Variants in HDLBP observed in about 807,000 individuals in gnomAD.
HDLBP encodes high density lipoprotein binding protein.
A neutral mutation model predicts 137.3 loss-of-function variants in HDLBP; 30 were observed. That is an observed-to-expected ratio of 0.22 (90% CI 0.16 to 0.30). The LOEUF is 0.30. Among genes scored for constraint, HDLBP ranks in the 10% least tolerant of loss-of-function variants. The pLI, the probability that HDLBP is intolerant of heterozygous loss-of-function variation, is 1.00. For missense variants in HDLBP, 1,119 were observed against 1,667.3 expected, an observed-to-expected ratio of 0.67 and a Z score of 5.73; for synonymous variants, 606 against 596.0, an observed-to-expected ratio of 1.02 and a Z score of -0.24.
chr2:241,296,026 A>G (rs1451209031), intron 1 of HDLBP, among the ~76,000 whole-genome samples: 1 of 144,280 alleles, frequency 6.9e-6, no homozygotes, highest in Admixed American at 6.8e-5. Context: ...ACATCCCAGT[A>G]GGATATTTTT....
intron 10 of HDLBP, 37 bp from the exon 11 acceptor site, chr2:241,253,072 G>A (rs768771633): frequency 6.7e-7 from 1 of 1,500,004 alleles, no homozygotes; most frequent in Non-Finnish European, 9.3e-7. Context: ...GATGCGCCTG[G>A]TTACTTGGCC....
At chr2:241,232,184 C>T (rs546202753) in intron 24 of HDLBP, among the ~76,000 whole-genome samples, 1 of 152,200 alleles carries the variant, frequency 6.6e-6, no homozygotes, top group African/African-American at 2.4e-5. Flanking sequence ...AAGCACAGCT[C>T]ACAGGAAAAA....
In HDLBP at chr2:241,233,715, T is replaced by C; in HGVS notation, c.3288+105A>G. ...TCCTGAGAGACTTGCCACTCTCAAC[T>C]TGGCCCTCGAACCCCCATCTAGGCA... On this transcript the variant is annotated intron_variant, in intron 24 of 27. Transcript: ENST00000310931. The surrounding 1 kb of genome is among the most constrained non-coding windows in gnomAD (Gnocchi z 4.3). 4.7e-6 allele frequency: 6 copies of C among 1,270,870 alleles called. No individual in the cohort carries two copies. Among genetic ancestry groups the C allele is most frequent in the Non-Finnish European group, 6.7e-6 (6 of 896,186 alleles). The allele number at this position is 1,270,870 out of a possible 1,614,324, so 78.7% of individuals were successfully genotyped here. A position where few individuals can be genotyped will look rare whatever the true frequency, so the allele number is the denominator to read the frequency against.
chr2:241,260,311 G>T (rs2073049353), intron 5 of HDLBP, among the ~76,000 whole-genome samples: 1 of 152,080 alleles, frequency 6.6e-6, no homozygotes, highest in South Asian at 2.1e-4. Flanking sequence ...TGGCCAGAAG[G>T]TATTGATATT....
At chr2:241,261,814 C>T (rs1041822918) in intron 5 of HDLBP, among the ~76,000 whole-genome samples, 11 of 152,208 alleles carry the variant, frequency 7.2e-5, no homozygotes, top group African/African-American at 1.9e-4. Flanking sequence ...TCCTCTGCCT[C>T]GCCTCCTGGC....
In HDLBP at chr2:241,242,563, T is replaced by C; in HGVS notation, c.2066A>G (p.His689Arg). The C allele has an allele frequency of 6.2e-7, 1 of 1,614,060 alleles. No homozygotes were observed. Residue 689 changes from histidine (H) to arginine (R), a missense_variant, in exon 17 of 28, where the codon CAC (histidine) becomes CGC (arginine). Around this residue, in one of 4 missense-constraint regions of HDLBP, gnomAD observed 618 missense variants for 816.7 expected, o/e 0.76. Coordinates refer to ENST00000310931, the MANE Select transcript of HDLBP (RefSeq NM_005336.6). ...IMEECGGVHI[H>R]FPVEGSGSDT... ...GCTTCCTGAACCTTCCACGGGAAAG[T>C]GAATGTGGACCCCGCCGCACTCCTC...
intron 5 of HDLBP, among the ~76,000 whole-genome samples, chr2:241,261,392 T>C (rs949701762): frequency 1.1e-4 from 17 of 152,160 alleles, no homozygotes; most frequent in Admixed American, 8.5e-4. Context: ...AAGAAACCAC[T>C]ATCAATATGA....
intron 16 of HDLBP, among the ~76,000 whole-genome samples, chr2:241,245,439 A>G (rs1228206958): frequency 2.6e-5 from 4 of 152,180 alleles, no homozygotes; most frequent in South Asian, 2.1e-4. Flanking sequence ...TGAGCCTCCC[A>G]AAGTGCTGGG....
chr2:241,247,212 C>A (rs2071750399), intron 14 of HDLBP, 70 bp from the exon 15 acceptor site: 1 of 982,160 alleles, frequency 1.0e-6, no homozygotes, highest in South Asian at 1.3e-5. Context: ...CCCTTCTACC[C>A]CTAAGGGTAG....
Position 241,253,407 on chromosome 2 carries a change from T to C in HDLBP, c.1279A>G (p.Met427Val), listed in dbSNP as rs1366512900. The part of the protein sequence containing the change: ...VNVAQEQIEG[M>V]VKDLINRMDY... Reference sequence around the variant, plus strand: ...GGGTACCTTACCAAATCTTTGACCATGCCTTCTATCTGTTCCTGGGCCACA... The same window carrying C: ...GGGTACCTTACCAAATCTTTGACCACGCCTTCTATCTGTTCCTGGGCCACA... Residue 427 changes from methionine to valine, a missense_variant, in exon 10 of 28, where the codon ATG becomes GTG. Met to Val is a conservative substitution (Grantham distance 21). Around this residue, in one of 4 missense-constraint regions of HDLBP, gnomAD observed 425 missense variants for 693.9 expected, o/e 0.61. Coordinates refer to ENST00000310931, the MANE Select transcript of HDLBP (RefSeq NM_005336.6). 6.2e-7 allele frequency: 1 copy of C among 1,607,480 alleles called. No homozygotes were observed. The highest frequency in any genetic ancestry group is 1.3e-5 in the African/African-American group (1 of 74,798).
chr2:241,244,420 C>T (rs898179558), intron 16 of HDLBP, among the ~76,000 whole-genome samples: 11 of 152,106 alleles, frequency 7.2e-5, no homozygotes, highest in Admixed American at 2.0e-4. Flanking sequence ...TGCTCAGAGA[C>T]GGTGGTAAAA....
At position 241,230,007 on chromosome 2, in the gene HDLBP, C is replaced by A; in HGVS notation, c.3592-46G>T. On this transcript the variant is annotated intron_variant, in intron 26 of 27. Coordinates refer to ENST00000310931, the MANE Select transcript of HDLBP (RefSeq NM_005336.6). The surrounding 1 kb of genome is among the most constrained non-coding windows in gnomAD (Gnocchi z 5.0). ...GACAGGGTCAGTCTGCCCAGCACCC[C>A]CAGCATCCCGCCCGCCTGCTCACCC... 1 of 1,570,982 alleles carries A rather than the reference C, an allele frequency of 6.4e-7. No homozygotes were observed. The highest frequency in any genetic ancestry group is 1.2e-5 in the South Asian group (1 of 84,242).
chr2:241,290,613 A>AG (rs1175683365), intron 1 of HDLBP, among the ~76,000 whole-genome samples: 8 of 115,146 alleles, frequency 6.9e-5, no homozygotes, highest in African/African-American at 1.3e-4. Flanking sequence ...TCTGTCTCAA[A>AG]GGAAAAAAAA....
intron 1 of HDLBP, among the ~76,000 whole-genome samples, chr2:241,297,115 T>TTTG (rs2075208336): frequency 2.6e-5 from 4 of 151,578 alleles, no homozygotes; most frequent in Non-Finnish European, 4.4e-5. Context: ...CTTGGACTTT[T>TTTG]TTTGTTTTTA....
At chr2:241,255,020 T>G (rs1031530638) in intron 9 of HDLBP, 31 bp downstream of exon 9, 3 of 1,469,386 alleles carry the variant, frequency 2.0e-6, no homozygotes, top group Middle Eastern at 1.7e-4. Context: ...CAAGACAAAT[T>G]CAATACAACA....
chr2:241,230,919 C>G lies in HDLBP; in HGVS notation c.3314G>C (p.Gly1105Ala). The G allele has an allele frequency of 6.2e-7, 1 of 1,613,842 alleles. No individual in the cohort carries two copies. Among genetic ancestry groups the G allele is most frequent in the Non-Finnish European group, 8.5e-7 (1 of 1,179,774 alleles). The change falls in exon 25 of 28, where the codon GGG becomes GCG. Residue 1105 changes from glycine to alanine, a missense_variant. Gly to Ala is a moderately conservative substitution (Grantham distance 60). Around this residue, in one of 4 missense-constraint regions of HDLBP, gnomAD observed 618 missense variants for 816.7 expected, o/e 0.76. Transcript: ENST00000310931. This position sits in a 1 kb window ranked among gnomAD's most constrained non-coding sequence, Gnocchi z 5.0. ...GGCAGCTTCTGTGTTCTTTTCGTAC[C>G]CTGTGATGGTAATTTGGTCCTGGGG... is the stretch of plus-strand genomic sequence containing the variant. ...NQPQDQITIT[G>A]YEKNTEAARD...
rs1322560950 is a variant in HDLBP at position 241,272,607 on chromosome 2, C to G, written c.-102-4066G>C. 1.0e-6 allele frequency: 1 copy of G among 982,272 alleles called. No homozygotes were observed. The highest frequency in any genetic ancestry group is 1.8e-5 in the African/African-American group (1 of 56,910). 60.8% of individuals were successfully genotyped at this position (982,272 alleles called of 1,614,324 possible). ...AAGCAGGACACCCGCGGGCGGGGGC[C>G]GCAGCCTGGGGCCCGGGTGGGGGCC... On this transcript the variant is annotated intron_variant, in intron 1 of 27. Transcript: ENST00000310931. This position sits in a 1 kb window ranked among gnomAD's most constrained non-coding sequence, Gnocchi z 5.6.
chr2:241,236,536 C>T, intron 21 of HDLBP, 79 bp downstream of exon 21: 2 of 1,463,242 alleles, frequency 1.4e-6, no homozygotes, highest in Middle Eastern at 1.8e-4. Context: ...ACCGTCCATC[C>T]CATCCAGGCC....
At chr2:241,267,509 A>C in intron 2 of HDLBP, 3 of 1,438,986 alleles carry the variant, frequency 2.1e-6, no homozygotes, top group Non-Finnish European at 1.9e-6. Flanking sequence ...GGCTCCAGGC[A>C]TAGATCAACA....
Sources: gnomAD v4.1 joint callset for allele counts (sites outside exome capture counted in the v4.1 genomes callset) on GRCh38, gnomAD v4.1.1 for gene constraint, gnomAD v4.1.1 regional missense constraint, Gnocchi (gnomAD v3.1) non-coding constraint, MANE v1.5 for transcripts, NCBI Gene and HGNC (gene_info 2026-07-23, HGNC 2026-07-21) for gene names.